Variants in ERCC8 observed in about 807,000 individuals in gnomAD.
ERCC8 encodes DNA excision repair protein ERCC-8.
In ERCC8, 52 loss-of-function variants were observed where a neutral mutation model predicts 54.9. That is an observed-to-expected ratio of 0.95 (90% confidence interval 0.76 to 1.19). ERCC8 has a LOEUF of 1.19. Among genes scored for constraint, ERCC8 ranks in the 50% most tolerant of loss-of-function variants. The probability of loss-of-function intolerance (pLI) is 0.00; values close to 1 mark genes in which losing one functional copy is unlikely to be tolerated. For missense variants in ERCC8, 514 were observed against 466.1 expected, an observed-to-expected ratio of 1.10 and a Z score of -0.95; for synonymous variants, 146 against 157.2, an observed-to-expected ratio of 0.93 and a Z score of 0.53.
At position 60,939,941 on chromosome 5, in the gene ERCC8, T is replaced by C. The variant is rs574778375; in HGVS notation, c.77+4991A>G. Reference sequence around the variant, plus strand: ...AATTTACTAGGTATACATACTTTTATGTCTTTTTTATCAATCTTGTCTGGA... The same window carrying C: ...AATTTACTAGGTATACATACTTTTACGTCTTTTTTATCAATCTTGTCTGGA... On this transcript the variant is annotated intron_variant, in intron 1 of 11. Coordinates refer to ENST00000676185, the MANE Select transcript of ERCC8 (RefSeq NM_000082.4). Among the ~76,000 whole-genome samples the C allele has an allele frequency of 6.6e-5, 10 of 152,342 alleles. No individual in the cohort carries two copies. The East Asian group carries it at 1.9e-3, about 29-fold the overall frequency.
intron 2 of ERCC8, among the ~76,000 whole-genome samples, chr5:60,925,208 A>G (rs978910861): frequency 3.3e-5 from 5 of 152,162 alleles, no homozygotes; most frequent in Non-Finnish European, 4.4e-5. Flanking sequence ...TTCTTCCCTT[A>G]AAAATTTTTT....
At chr5:60,881,376 C>G (rs905077957) in intron 11 of ERCC8, among the ~76,000 whole-genome samples, 4 of 152,174 alleles carry the variant, frequency 2.6e-5, no homozygotes, top group African/African-American at 9.7e-5. Context: ...AACCACTATT[C>G]TCTTCAAAGC....
intron 1 of ERCC8, among the ~76,000 whole-genome samples, chr5:60,935,164 A>T (rs1199521500): frequency 1.3e-5 from 2 of 152,138 alleles, no homozygotes; most frequent in Non-Finnish European, 2.9e-5. Flanking sequence ...TACCCATCCA[A>T]ATGTAGAATT....
intron 7 of ERCC8, 151 bp from the exon 8 acceptor site, chr5:60,899,878 G>A: frequency 1.7e-6 from 1 of 604,024 alleles, no homozygotes; most frequent in Non-Finnish European, 3.0e-6. Flanking sequence ...TGCCTTTTCA[G>A]CAAATATTCA....
At chr5:60,879,079 C>T (rs1004931688) in intron 11 of ERCC8, among the ~76,000 whole-genome samples, 105 of 152,210 alleles carry the variant, frequency 6.9e-4, no homozygotes, top group Non-Finnish European at 1.1e-3. Flanking sequence ...TCTTTGGTCT[C>T]GTTGGTTTCA....
In ERCC8 at chr5:60,873,542, T is replaced by A. The variant is rs1747910101; in HGVS notation, c.*1073A>T. Among the ~76,000 whole-genome samples the A allele has an allele frequency of 6.6e-6, 1 of 152,102 alleles. No homozygotes were observed. Among genetic ancestry groups the A allele is most frequent in the Non-Finnish European group, 1.5e-5 (1 of 68,020 alleles). On this transcript the variant is annotated 3_prime_UTR_variant, in exon 12 of 12. Coordinates refer to ENST00000676185, the MANE Select transcript of ERCC8 (RefSeq NM_000082.4). ...ATACAAAAAAATTAACCGGGCGCAGTGGCGGGAGCCTGTAATCCCAGCTAC... is the reference window on the plus strand; with the variant it reads ...ATACAAAAAAATTAACCGGGCGCAGAGGCGGGAGCCTGTAATCCCAGCTAC...
intron 8 of ERCC8, among the ~76,000 whole-genome samples, chr5:60,899,243 C>A (rs1439148105): frequency 6.6e-6 from 1 of 151,920 alleles, no homozygotes; most frequent in Non-Finnish European, 1.5e-5. Context: ...GCAGCTGACT[C>A]ACATTTAACA....
In ERCC8 at chr5:60,944,927, T is replaced by TGTA; in HGVS notation, c.77+4_77+5insTAC. 1 of 1,612,572 alleles carries TGTA rather than the reference T, an allele frequency of 6.2e-7. No homozygotes were observed. The highest frequency in any genetic ancestry group is 8.5e-7 in the Non-Finnish European group (1 of 1,178,590). On this transcript the variant is annotated splice_donor_region_variant and intron_variant, in intron 1 of 11. Coordinates refer to ENST00000676185, the MANE Select transcript of ERCC8 (RefSeq NM_000082.4). The stretch of plus-strand genomic sequence containing the variant: ...CTGTTAGCCAAAAAGTAAGGTTTTC[T>TGTA]TTACCTCCGTGTTGACTCTGCTCTC...
intron 11 of ERCC8, among the ~76,000 whole-genome samples, chr5:60,881,279 G>T (rs74699705): frequency 6.6e-6 from 1 of 152,206 alleles, no homozygotes; most frequent in Non-Finnish European, 1.5e-5. Context: ...CTACTGGGGG[G>T]TGCCTCACAG....
Position 60,930,917 on chromosome 5 carries a change from G to A in ERCC8, c.78-1958C>T, listed in dbSNP as rs544050972. On this transcript the variant is annotated intron_variant, in intron 1 of 11. Transcript: ENST00000676185. The stretch of plus-strand genomic sequence containing the variant: ...AGGTCAGCGATTCAAGATCAGCCTG[G>A]CCAACATGGTGAAACCCCGTCTCTA... Among the ~76,000 whole-genome samples the A allele has an allele frequency of 6.6e-5, 10 of 152,154 alleles. No homozygotes were observed. The East Asian group carries it at 1.9e-3, about 29-fold the overall frequency.
intron 11 of ERCC8, among the ~76,000 whole-genome samples, chr5:60,878,793 A>G (rs1057476782): frequency 2.0e-5 from 3 of 151,858 alleles, no homozygotes; most frequent in Non-Finnish European, 4.4e-5. Context: ...TGGTCTATCA[A>G]TTTTGTTGAT....
At chr5:60,921,053 T>C (rs1749585986) in intron 3 of ERCC8, among the ~76,000 whole-genome samples, 1 of 152,050 alleles carries the variant, frequency 6.6e-6, no homozygotes, top group African/African-American at 2.4e-5. Context: ...TTTTCACTTA[T>C]GCAGTGGTTT....
chr5:60,943,108 G>A (rs1450983949), intron 1 of ERCC8, among the ~76,000 whole-genome samples: 2 of 151,856 alleles, frequency 1.3e-5, no homozygotes, highest in Admixed American at 6.6e-5. Flanking sequence ...CCATCTCTAC[G>A]AAAAATTTAA....
intron 11 of ERCC8, among the ~76,000 whole-genome samples, chr5:60,876,816 C>A (rs577818143): frequency 6.6e-6 from 1 of 152,142 alleles, no homozygotes; most frequent in African/African-American, 2.4e-5. Flanking sequence ...AAAATTTTCT[C>A]CCATTCTGTA....
At chr5:60,939,475 C>T (rs1750191909) in intron 1 of ERCC8, among the ~76,000 whole-genome samples, 1 of 143,392 alleles carries the variant, frequency 7.0e-6, no homozygotes, top group Non-Finnish European at 1.6e-5. Context: ...GGTTGCAATA[C>T]TTCTTTTTTT....
rs910736573 is a variant in ERCC8, at chr5:60,875,824, G to C, written c.1123-1141C>G. On this transcript the variant is annotated intron_variant, in intron 11 of 11. Coordinates refer to ENST00000676185, the MANE Select transcript of ERCC8 (RefSeq NM_000082.4). ...CCATTGTCCTGCCTCAGCCTCCCAA[G>C]AAGCTGGGACTACAGACGCCTGCCA... Among the ~76,000 whole-genome samples, 4 of 152,146 alleles carry C rather than the reference G, an allele frequency of 2.6e-5. No homozygotes were observed. The South Asian group carries it at 8.3e-4, about 32-fold the overall frequency.
intron 8 of ERCC8, among the ~76,000 whole-genome samples, chr5:60,898,662 T>A (rs1748788122): frequency 6.6e-6 from 1 of 151,858 alleles, no homozygotes; most frequent in African/African-American, 2.4e-5. Flanking sequence ...AATTGTGCCA[T>A]GAAATTCAAT....
At position 60,940,834 on chromosome 5, in the gene ERCC8, T is replaced by A. The variant is rs572302083; in HGVS notation, c.77+4098A>T. Among the ~76,000 whole-genome samples, 14 of 152,338 alleles carry A rather than the reference T, an allele frequency of 9.2e-5. No individual in the cohort carries two copies. The South Asian group carries it at 1.4e-3, about 16-fold the overall frequency. On this transcript the variant is annotated intron_variant, in intron 1 of 11. Coordinates refer to ENST00000676185, the MANE Select transcript of ERCC8 (RefSeq NM_000082.4). ...AAAACAAAAATATCAACATTCTTCA[T>A]AGGATCAAAACAAGACCCAGAGTAT... is the stretch of plus-strand genomic sequence containing the variant.
At chr5:60,878,919 T>C (rs1322309531) in intron 11 of ERCC8, among the ~76,000 whole-genome samples, 2 of 152,212 alleles carry the variant, frequency 1.3e-5, no homozygotes, top group Non-Finnish European at 2.9e-5. Flanking sequence ...AGCTTTTGAA[T>C]GTGTTTGCTC....
Sources: allele counts gnomAD v4.1 joint callset (sites outside exome capture counted in the v4.1 genomes callset), GRCh38; gene constraint gnomAD v4.1.1; transcripts MANE v1.5; gene names NCBI Gene and HGNC (gene_info 2026-07-23, HGNC 2026-07-21).